ADAMTSL1: variants seen among roughly 807,000 people sequenced by gnomAD.
ADAMTSL1 encodes the protein ADAMTS like 1.
In ADAMTSL1, 126 loss-of-function variants were observed where a neutral mutation model predicts 201.8. The observed-to-expected ratio is 0.62, with a 90% CI of 0.54 to 0.72. ADAMTSL1 has a LOEUF of 0.72. ADAMTSL1 is among the 30% of genes least tolerant of loss of function. The pLI is 0.00. For synonymous variants in ADAMTSL1, 1,121 were observed against 903.4 expected, an observed-to-expected ratio of 1.24 and a Z score of -4.32; for missense variants, 2,679 against 2,277.8, an observed-to-expected ratio of 1.18 and a Z score of -3.59.
intron 23 of ADAMTSL1, among the ~76,000 whole-genome samples, chr9:18,847,769 C>G (rs1826225934): frequency 6.6e-6 from 1 of 152,132 alleles, no homozygotes; most frequent in Non-Finnish European, 1.5e-5. Context: ...CCAGTGTGGC[C>G]ACAATGAGGT....
At chr9:18,351,151 A>T (rs1835946994) in intron 2 of ADAMTSL1, among the ~76,000 whole-genome samples, 1 of 151,996 alleles carries the variant, frequency 6.6e-6, no homozygotes, top group Non-Finnish European at 1.5e-5. Context: ...TTGCATCTAG[A>T]TTAATAAGGT....
chr9:18,628,098 G>A (rs10810997), intron 5 of ADAMTSL1, among the ~76,000 whole-genome samples: 21,314 of 152,094 alleles, frequency 0.14, 1,644 homozygotes, highest in Admixed American at 0.21. Flanking sequence ...CTTTTCATTT[G>A]GATGAAGACC....
At chr9:18,812,579 G>C (rs1480536568) in intron 20 of ADAMTSL1, among the ~76,000 whole-genome samples, 1 of 152,066 alleles carries the variant, frequency 6.6e-6, no homozygotes, top group Non-Finnish European at 1.5e-5. Flanking sequence ...TGCTTTTGTT[G>C]CCTATGTTTT....
At chr9:18,372,702 A>G (rs192300715) in intron 2 of ADAMTSL1, among the ~76,000 whole-genome samples, 79 of 152,308 alleles carry the variant, frequency 5.2e-4, no homozygotes, top group African/African-American at 1.8e-3. Flanking sequence ...TTGGCTCTTA[A>G]TTGAAGGCTT....
At position 18,725,685 on chromosome 9, in the gene ADAMTSL1, T is replaced by TA. The variant is rs550798504; in HGVS notation, c.2006+4030dup. On this transcript the variant is annotated intron_variant, in intron 15 of 28. Transcript: ENST00000380548. ...TCTTTAAAACTCAAGCACAGCAGAA[T>TA]AAAAAAAAAAGAAAGGTATACCTTC... 1.6e-4 allele frequency among the ~76,000 whole-genome samples: 24 copies of TA among 148,244 alleles called. 1 individual carries two copies. Among genetic ancestry groups the TA allele is most frequent in the East Asian group, 5.9e-4 (3 of 5,108 alleles).
At chr9:18,511,502 A>G (rs1409545857) in intron 2 of ADAMTSL1, among the ~76,000 whole-genome samples, 1 of 152,148 alleles carries the variant, frequency 6.6e-6, no homozygotes, top group East Asian at 1.9e-4. Flanking sequence ...AATAAAAATC[A>G]CACAAGAGGT....
chr9:18,180,736 A>T (rs1287676957), intron 2 of ADAMTSL1, among the ~76,000 whole-genome samples: 4 of 152,150 alleles, frequency 2.6e-5, no homozygotes, highest in Non-Finnish European at 5.9e-5. Context: ...ATTCAATGCC[A>T]TCCCCATCAA....
chr9:18,504,478 C>T (rs1242988031), intron 1 of ADAMTSL1, among the ~76,000 whole-genome samples: 1 of 152,162 alleles, frequency 6.6e-6, no homozygotes, highest in Admixed American at 6.5e-5. Context: ...AGCTTCTTTC[C>T]TTTCACTAAG....
intron 1 of ADAMTSL1, among the ~76,000 whole-genome samples, chr9:17,991,331 A>G (rs1334685409): frequency 6.6e-6 from 1 of 152,160 alleles, no homozygotes; most frequent in Non-Finnish European, 1.5e-5. Context: ...ATGTGGAAAA[A>G]GAACATTTTT....
Position 18,559,700 on chromosome 9 carries a change from G to T in ADAMTSL1, c.238-14330G>T, listed in dbSNP as rs553335218. On this transcript the variant is annotated intron_variant, in intron 3 of 28. Coordinates refer to ENST00000380548, the MANE Select transcript of ADAMTSL1 (RefSeq NM_001040272.6). ...TTATTTCATTGAGCAGTGGTTTGTA[G>T]TTCTCTTTGAAGAGGTTCTTCACAT... Among the ~76,000 whole-genome samples, 4 of 152,246 alleles carry T rather than the reference G, an allele frequency of 2.6e-5. No individual in the cohort carries two copies. The East Asian group carries it at 5.8e-4, about 22-fold the overall frequency.
chr9:18,398,625 C>G (rs1356430724), intron 2 of ADAMTSL1, among the ~76,000 whole-genome samples: 1 of 152,110 alleles, frequency 6.6e-6, no homozygotes, highest in Admixed American at 6.6e-5. Flanking sequence ...AAAATTTATT[C>G]TAATTTTGCT....
chr9:18,696,594 C>G (rs1290812597), intron 13 of ADAMTSL1, among the ~76,000 whole-genome samples: 1 of 152,044 alleles, frequency 6.6e-6, no homozygotes, highest in Non-Finnish European at 1.5e-5. Context: ...TTGTGGTAGT[C>G]CAGCAGAAAG....
At chr9:18,033,395 G>A (rs755628806) in intron 1 of ADAMTSL1, among the ~76,000 whole-genome samples, 8 of 152,036 alleles carry the variant, frequency 5.3e-5, no homozygotes, top group African/African-American at 1.2e-4. Flanking sequence ...GAAATAAAAC[G>A]TTAAAGAAAT....
At chr9:18,288,076 G>A (rs931371405) in intron 2 of ADAMTSL1, among the ~76,000 whole-genome samples, 19 of 152,164 alleles carry the variant, frequency 1.2e-4, no homozygotes, top group African/African-American at 4.6e-4. Flanking sequence ...AGTGGAGAGA[G>A]AGGATGACAA....
chr9:18,486,571 A>C (rs1383069792), intron 1 of ADAMTSL1, among the ~76,000 whole-genome samples: 1 of 152,090 alleles, frequency 6.6e-6, no homozygotes, highest in Non-Finnish European at 1.5e-5. Flanking sequence ...CAGGCATGGT[A>C]GTGCGTGCCT....
At chr9:18,878,686 C>T (rs909934635) in intron 23 of ADAMTSL1, among the ~76,000 whole-genome samples, 5 of 152,178 alleles carry the variant, frequency 3.3e-5, no homozygotes, top group Admixed American at 1.3e-4. Flanking sequence ...AAAGGGTCTG[C>T]GGATTCTCTG....
intron 2 of ADAMTSL1, among the ~76,000 whole-genome samples, chr9:18,257,548 T>C (rs1400087354): frequency 6.6e-6 from 1 of 152,212 alleles, no homozygotes; most frequent in Non-Finnish European, 1.5e-5. Flanking sequence ...GGTGATGATA[T>C]GGAGATATTG....
chr9:18,783,114 C>T (rs970903566), intron 19 of ADAMTSL1, among the ~76,000 whole-genome samples: 26 of 152,234 alleles, frequency 1.7e-4, no homozygotes, highest in African/African-American at 5.8e-4. Context: ...AGTAAGGGGC[C>T]ATTGCAGTAG....
At chr9:18,274,547 A>G (rs1213254539) in intron 2 of ADAMTSL1, among the ~76,000 whole-genome samples, 1 of 152,112 alleles carries the variant, frequency 6.6e-6, no homozygotes, top group Non-Finnish European at 1.5e-5. Flanking sequence ...ATAAAAAGAA[A>G]ATTTGTACTT....
Sources: allele counts gnomAD v4.1 joint callset (sites outside exome capture counted in the v4.1 genomes callset), GRCh38; gene constraint gnomAD v4.1.1; transcripts MANE v1.5; gene names NCBI Gene and HGNC (gene_info 2026-07-23, HGNC 2026-07-21).